The following DOCK9 variants were observed in gnomAD, a reference collection of about 807,000 sequenced individuals.
DOCK9 encodes the protein dedicator of cytokinesis 9.
A neutral mutation model predicts 263.3 loss-of-function variants in DOCK9; 89 were observed. The ratio of observed to expected loss-of-function variants is 0.34; its 90% CI spans 0.28 to 0.40. The LOEUF (loss-of-function observed/expected upper bound fraction) is 0.40. Among genes scored for constraint, DOCK9 ranks in the 10% least tolerant of loss-of-function variants. The pLI, the probability that DOCK9 is intolerant of heterozygous loss-of-function variation, is 1.00. For missense variants in DOCK9, 2,140 were observed against 2,603.4 expected (o/e 0.82, Z 3.87); for synonymous variants, 976 against 973.1 (o/e 1.00, Z -0.06).
chr13:98,851,967 G>GT (rs2093586218), intron 35 of DOCK9, among the ~76,000 whole-genome samples: 1 of 152,134 alleles, frequency 6.6e-6, no homozygotes, highest in African/African-American at 2.4e-5. Context: ...TTCTAAAATT[G>GT]TTTTGAAGAG....
intron 1 of DOCK9, among the ~76,000 whole-genome samples, chr13:99,049,384 C>T (rs7984797): frequency 0.22 from 33,276 of 151,998 alleles, 3,643 homozygotes; most frequent in Middle Eastern, 0.3. Context: ...GGAGTAAGGA[C>T]ATCTTAGAAA....
Position 98,902,428 on chromosome 13 carries a change from C to T in DOCK9, c.1240G>A (p.Asp414Asn), listed in dbSNP as rs540167810. The T allele has an allele frequency of 7.4e-6, 12 of 1,613,958 alleles. No homozygotes were observed. Among genetic ancestry groups the T allele is most frequent in the East Asian group, 4.5e-5 (2 of 44,876 alleles). The change falls in exon 12 of 53, where the codon GAT becomes AAT. Residue 414 changes from aspartate to asparagine, a missense_variant. Coordinates refer to ENST00000682017, the MANE Select transcript of DOCK9 (RefSeq NM_001366683.2). ...DIKYNRKISA[D>N]FHVDLNHFSV... is the part of the protein sequence containing the mutation. ...AAATGGTTCAGGTCTACGTGGAAAT[C>T]GGCAGAAATCTTCCGGTTGTATTTT...
chr13:98,915,595 T>C (rs2050763317), intron 7 of DOCK9, 92 bp from the exon 8 acceptor site: 6 of 1,288,026 alleles, frequency 4.7e-6, no homozygotes, highest in Middle Eastern at 4.7e-4. Flanking sequence ...TGATATCTCA[T>C]TGGCATTTAG....
At chr13:99,066,213 C>G (rs1388206956) in intron 1 of DOCK9, among the ~76,000 whole-genome samples, 1 of 152,154 alleles carries the variant, frequency 6.6e-6, no homozygotes, top group African/African-American at 2.4e-5. Context: ...AAACAATGAT[C>G]ATTAGCCCCA....
In DOCK9 at chr13:98,860,472, C is replaced by G; in HGVS notation, c.3630G>C (p.Thr1210=). The change falls in exon 33 of 53, where the codon ACG becomes ACC. Residue 1210 remains threonine (T), a synonymous_variant. Coordinates refer to ENST00000682017, the MANE Select transcript of DOCK9 (RefSeq NM_001366683.2). The part of the protein sequence containing the change: ...LALPAVNPLV[T]PQKGSTLDNS... ...TGTCCAGGGTGCTTCCCTTCTGCGG[C>G]GTCACCAGCGGATTCACAGCTGGTA... 6.3e-7 allele frequency: 1 copy of G among 1,588,076 alleles called. No homozygotes were observed. Among genetic ancestry groups the G allele is most frequent in the Non-Finnish European group, 8.6e-7 (1 of 1,166,000 alleles).
At position 99,067,737 on chromosome 13, in the gene DOCK9, G is replaced by A. The variant is rs547826786; in HGVS notation, c.129+18486C>T. ...AAATACCATTTTCCTGACATGAAAT[G>A]CAATGCTCACTGGAATATGCTGATT... is the stretch of plus-strand genomic sequence containing the variant. On this transcript the variant is annotated intron_variant, in intron 1 of 32. Coordinates refer to the DOCK9 transcript ENST00000427887. 1.0e-3 allele frequency among the ~76,000 whole-genome samples: 154 copies of A among 152,270 alleles called. 2 individuals are homozygous for A. Among genetic ancestry groups the A allele is most frequent in the African/African-American group, 3.5e-3 (147 of 41,556 alleles).
At chr13:98,855,770 A>G in intron 34 of DOCK9, 128 bp downstream of exon 34, 1 of 1,063,880 alleles carries the variant, frequency 9.4e-7, no homozygotes, top group Non-Finnish European at 1.4e-6. Context: ...CACCTACTCC[A>G]GGTCAGCCGG....
chr13:99,080,966 T>C (rs1023375982), intron 1 of DOCK9, among the ~76,000 whole-genome samples: 3 of 152,228 alleles, frequency 2.0e-5, no homozygotes, highest in African/African-American at 7.2e-5. Flanking sequence ...TCCCTCCCTG[T>C]TCAAACTCAA....
intron 39 of DOCK9, 55 bp downstream of exon 39, chr13:98,837,439 G>T: frequency 8.0e-7 from 1 of 1,257,742 alleles, no homozygotes; most frequent in Non-Finnish European, 1.2e-6. Context: ...AGCTTACCAA[G>T]CAGAATGAAT....
chr13:99,080,644 A>G (rs915277281), intron 1 of DOCK9, among the ~76,000 whole-genome samples: 1 of 152,156 alleles, frequency 6.6e-6, no homozygotes, highest in Non-Finnish European at 1.5e-5. Context: ...TCCTAGAAAA[A>G]AAGGATAAAA....
In DOCK9 at chr13:98,818,022, C is replaced by T. The variant is rs189632609; in HGVS notation, c.5130+6376G>A. ...CTATAGTTTATCAGTCCAAATATCA[C>T]TTATTATTATAAATAAATGGTATTA... On this transcript the variant is annotated intron_variant, in intron 45 of 52. Transcript: ENST00000682017. 7.8e-4 allele frequency among the ~76,000 whole-genome samples: 118 copies of T among 152,210 alleles called. No individual in the cohort carries two copies. In the Middle Eastern group the frequency reaches 0.01, roughly 13 times the overall value.
intron 1 of DOCK9, among the ~76,000 whole-genome samples, chr13:99,053,292 C>A (rs76279038): frequency 0.016 from 2,405 of 152,180 alleles, 65 homozygotes; most frequent in African/African-American, 0.054. Flanking sequence ...TGCAGGAGAG[C>A]AAAGAAGATA....
chr13:98,901,912 A>C lies in DOCK9; in HGVS notation c.1381-12T>G. On this transcript the variant is annotated splice_polypyrimidine_tract_variant and intron_variant, in intron 12 of 52. Coordinates refer to ENST00000682017, the MANE Select transcript of DOCK9 (RefSeq NM_001366683.2). Reference sequence around the variant, plus strand: ...ACTGAAAATATTCCCTAGGAGGCAAACAATTTTCTTCAGTAAGCAGAATTC... The same window carrying C: ...ACTGAAAATATTCCCTAGGAGGCAACCAATTTTCTTCAGTAAGCAGAATTC... 1 of 1,610,146 alleles carries C rather than the reference A, an allele frequency of 6.2e-7. No individual in the cohort carries two copies. The highest frequency in any genetic ancestry group is 8.5e-7 in the Non-Finnish European group (1 of 1,178,258).
At chr13:98,995,991 C>G (rs969598215) in intron 1 of DOCK9, among the ~76,000 whole-genome samples, 3 of 152,066 alleles carry the variant, frequency 2.0e-5, no homozygotes, top group Non-Finnish European at 2.9e-5. Context: ...AGGGTAAGCA[C>G]GGTGCAGATC....
chr13:99,070,106 G>A (rs1165653537), intron 1 of DOCK9, among the ~76,000 whole-genome samples: 1 of 152,164 alleles, frequency 6.6e-6, no homozygotes, highest in Non-Finnish European at 1.5e-5. Context: ...ATTTAATGCA[G>A]GGCTCTTAAC....
Position 98,875,418 on chromosome 13 carries a change from C to G in DOCK9, c.2943+4480G>C, listed in dbSNP as rs2043672843. Among the ~76,000 whole-genome samples, 3 of 152,192 alleles carry G rather than the reference C, an allele frequency of 2.0e-5. No homozygotes were observed. The South Asian group carries it at 6.2e-4, about 32-fold the overall frequency. On this transcript the variant is annotated intron_variant, in intron 27 of 52. Transcript: ENST00000682017. ...TTTCACTTTCAAAAACAGTTCTTTT[C>G]TTTTTCAATTTAGCTAGAAAATGGT...
chr13:98,879,483 G>C (rs180887294), intron 27 of DOCK9, among the ~76,000 whole-genome samples: 1 of 152,234 alleles, frequency 6.6e-6, no homozygotes, highest in African/African-American at 2.4e-5. Context: ...ATAAATCATG[G>C]GTAATGACAC....
chr13:98,871,282 G>A (rs1394072262), intron 27 of DOCK9, among the ~76,000 whole-genome samples: 1 of 152,150 alleles, frequency 6.6e-6, no homozygotes, highest in East Asian at 1.9e-4. Context: ...TTGACAAGTG[G>A]GGAGGCTAAT....
At chr13:99,066,458 AT>A (rs2041421397) in intron 1 of DOCK9, among the ~76,000 whole-genome samples, 1 of 152,196 alleles carries the variant, frequency 6.6e-6, no homozygotes, top group Admixed American at 6.5e-5. Context: ...AACTGGTTTC[AT>A]TTTCAATTCT....
Sources: allele counts gnomAD v4.1 joint callset (sites outside exome capture counted in the v4.1 genomes callset), GRCh38; gene constraint gnomAD v4.1.1; transcripts MANE v1.5; gene names NCBI Gene and HGNC (gene_info 2026-07-23, HGNC 2026-07-21).